Variants in LMBR1 observed in about 807,000 individuals in gnomAD.
LMBR1 encodes the protein limb development membrane protein 1.
In LMBR1, 52 loss-of-function variants were observed where a neutral mutation model predicts 73.9. The observed-to-expected ratio is 0.70, with a 90% CI of 0.56 to 0.89. The LOEUF (loss-of-function observed/expected upper bound fraction) is 0.89. LMBR1 is among the 40% of genes least tolerant of loss of function. LMBR1 has a pLI of 0.00. For missense variants in LMBR1, 539 were observed against 579.8 expected, an observed-to-expected ratio of 0.93 and a Z score of 0.72; for synonymous variants, 215 against 209.4, an observed-to-expected ratio of 1.03 and a Z score of -0.23.
chr7:156,699,276 A>G (rs1440870414), intron 15 of LMBR1, among the ~76,000 whole-genome samples: 1 of 152,204 alleles, frequency 6.6e-6, no homozygotes, highest in Non-Finnish European at 1.5e-5. Flanking sequence ...CTGATCTTTG[A>G]CAAACCTGAC....
At chr7:156,757,460 C>T (rs900437262) in intron 8 of LMBR1, among the ~76,000 whole-genome samples, 9 of 152,196 alleles carry the variant, frequency 5.9e-5, no homozygotes, top group African/African-American at 1.7e-4. Context: ...AAAAACCATA[C>T]TAATAATTTA....
intron 3 of LMBR1, among the ~76,000 whole-genome samples, chr7:156,829,827 T>G (rs996509951): frequency 6.6e-6 from 1 of 152,164 alleles, no homozygotes; most frequent in Non-Finnish European, 1.5e-5. Flanking sequence ...TCTGTGCCGA[T>G]CTCTACCTCT....
At chr7:156,744,329 A>G (rs1220238943) in intron 9 of LMBR1, among the ~76,000 whole-genome samples, 5 of 151,780 alleles carry the variant, frequency 3.3e-5, no homozygotes, top group African/African-American at 7.3e-5. Context: ...TTTCTATGTG[A>G]AAGTTTGTAA....
At chr7:156,687,168 T>C (rs183233458) in intron 16 of LMBR1, among the ~76,000 whole-genome samples, 124 of 152,354 alleles carry the variant, frequency 8.1e-4, no homozygotes, top group African/African-American at 2.9e-3. Flanking sequence ...TGGACCTTAA[T>C]GAATCCATCA....
chr7:156,788,626 G>GA (rs11424069), intron 5 of LMBR1, among the ~76,000 whole-genome samples: 57,570 of 147,360 alleles, frequency 0.39, 11,142 homozygotes, highest in East Asian at 0.6. Flanking sequence ...TTGTTTTAAA[G>GA]AAAAAAAAAA....
intron 15 of LMBR1, among the ~76,000 whole-genome samples, chr7:156,700,124 C>A (rs1207578739): frequency 1.3e-5 from 2 of 152,144 alleles, no homozygotes; most frequent in African/African-American, 2.4e-5. Context: ...TTCACAATAG[C>A]AAAGACTTGG....
intron 3 of LMBR1, among the ~76,000 whole-genome samples, chr7:156,829,559 T>TC (rs11443750): frequency 0.42 from 64,479 of 151,964 alleles, 13,962 homozygotes; most frequent in East Asian, 0.6. Flanking sequence ...TGCTTGTACA[T>TC]CTGCAGAACT....
chr7:156,684,009 A>G lies in LMBR1; in HGVS notation c.*69T>C. 2 of 1,267,968 alleles carry G rather than the reference A, an allele frequency of 1.6e-6. No individual in the cohort carries two copies. The highest frequency in any genetic ancestry group is 2.3e-6 in the Non-Finnish European group (2 of 873,462). The allele number at this position is 1,267,968 out of a possible 1,614,324, so 78.5% of individuals were successfully genotyped here. Reference sequence around the variant, plus strand: ...CACGGTTGAATGGAAATGCTTCTACATGGGACAGGAATGTCGTGAATCTGG... The same window carrying G: ...CACGGTTGAATGGAAATGCTTCTACGTGGGACAGGAATGTCGTGAATCTGG... On this transcript the variant is annotated 3_prime_UTR_variant, in exon 17 of 17. Coordinates refer to ENST00000353442, the MANE Select transcript of LMBR1 (RefSeq NM_022458.4).
intron 1 of LMBR1, among the ~76,000 whole-genome samples, chr7:156,837,626 T>C (rs1348879665): frequency 6.6e-6 from 1 of 152,138 alleles, no homozygotes; most frequent in Non-Finnish European, 1.5e-5. Flanking sequence ...ACAGATACAT[T>C]AAACATTTTC....
At chr7:156,772,085 C>T (rs554226544) in intron 5 of LMBR1, among the ~76,000 whole-genome samples, 8 of 152,044 alleles carry the variant, frequency 5.3e-5, no homozygotes, top group Admixed American at 2.0e-4. Flanking sequence ...ACCAGCCTGA[C>T]CAACATGGTG....
At chr7:156,712,701 T>C (rs1182129971) in intron 15 of LMBR1, among the ~76,000 whole-genome samples, 1 of 152,206 alleles carries the variant, frequency 6.6e-6, no homozygotes, top group African/African-American at 2.4e-5. Flanking sequence ...AATGAAATCA[T>C]GTATTTCACA....
At chr7:156,735,166 G>GT (rs879267297) in intron 9 of LMBR1, among the ~76,000 whole-genome samples, 6 of 152,110 alleles carry the variant, frequency 3.9e-5, no homozygotes, top group Non-Finnish European at 8.8e-5. Context: ...GCTGAGTAGG[G>GT]TATGAACATT....
intron 3 of LMBR1, among the ~76,000 whole-genome samples, chr7:156,830,991 A>C (rs1836574715): frequency 6.6e-6 from 1 of 152,250 alleles, no homozygotes; most frequent in African/African-American, 2.4e-5. Context: ...TAAATGTATA[A>C]TAAACTAAAG....
At chr7:156,751,587 G>A (rs1585554881) in intron 9 of LMBR1, among the ~76,000 whole-genome samples, 1 of 152,194 alleles carries the variant, frequency 6.6e-6, no homozygotes, top group African/African-American at 2.4e-5. Flanking sequence ...GATACGCACG[G>A]AAGCCATTAG....
chr7:156,830,680 A>G (rs539635125), intron 3 of LMBR1, among the ~76,000 whole-genome samples: 5 of 152,324 alleles, frequency 3.3e-5, no homozygotes, highest in African/African-American at 1.2e-4. Context: ...TAATCAATAA[A>G]CATTTGCTGC....
intron 8 of LMBR1, among the ~76,000 whole-genome samples, chr7:156,760,706 A>C (rs1822816960): frequency 6.6e-6 from 1 of 152,238 alleles, no homozygotes; most frequent in African/African-American, 2.4e-5. Context: ...ACTTTTTGTA[A>C]AATGTATTTA....
At chr7:156,882,536 A>G (rs1453049606) in intron 1 of LMBR1, among the ~76,000 whole-genome samples, 1 of 152,236 alleles carries the variant, frequency 6.6e-6, no homozygotes, top group African/African-American at 2.4e-5. Flanking sequence ...ATACTGCATG[A>G]TCCCACTTAT....
At chr7:156,788,914 G>C (rs762683694) in intron 5 of LMBR1, among the ~76,000 whole-genome samples, 16 of 152,112 alleles carry the variant, frequency 1.1e-4, no homozygotes, top group Non-Finnish European at 2.4e-4. Context: ...CGGGCGTGGT[G>C]GTGGGCACCT....
intron 16 of LMBR1, among the ~76,000 whole-genome samples, chr7:156,686,545 A>C (rs1806058326): frequency 6.6e-6 from 1 of 152,200 alleles, no homozygotes; most frequent in African/African-American, 2.4e-5. Flanking sequence ...ATACTGAAAA[A>C]CACTGGGGAA....
Sources: gnomAD v4.1 joint callset for allele counts (sites outside exome capture counted in the v4.1 genomes callset) on GRCh38, gnomAD v4.1.1 for gene constraint, MANE v1.5 for transcripts, NCBI Gene and HGNC (gene_info 2026-07-23, HGNC 2026-07-21) for gene names.